Variants in VSIG10 observed in about 807,000 individuals in gnomAD.
The protein encoded by VSIG10 is V-set and immunoglobulin domain containing 10.
In VSIG10, 48 loss-of-function variants were observed where a neutral mutation model predicts 58.7. The ratio of observed to expected loss-of-function variants is 0.82; its 90% CI spans 0.65 to 1.04. The LOEUF (loss-of-function observed/expected upper bound fraction) is 1.04, where lower values mean the gene tolerates loss of function less well. VSIG10 is among the 50% of genes least tolerant of loss of function. The pLI is 0.00. For missense variants in VSIG10, 628 were observed against 670.0 expected, an observed-to-expected ratio of 0.94 and a Z score of 0.69; for synonymous variants, 260 against 267.1, an observed-to-expected ratio of 0.97 and a Z score of 0.26.
intron 1 of VSIG10, among the ~76,000 whole-genome samples, chr12:118,096,599 A>G (rs2033467205): frequency 7.2e-6 from 1 of 138,574 alleles, no homozygotes; most frequent in African/African-American, 2.6e-5. Flanking sequence ...AAAAAAGCAC[A>G]AAAAATTAGC....
rs2033685988 is a variant in VSIG10, at chr12:118,103,898, G to C, written c.-227C>G. ...GTCCCCGCTCCCGAGCGCCCTGGCC[G>C]GGGAGGGAGGGCGCACCCCGCCCCC... On this transcript the variant is annotated 5_prime_UTR_variant, in exon 1 of 9. Coordinates refer to ENST00000359236, the MANE Select transcript of VSIG10 (RefSeq NM_019086.6). 7 of 420,214 alleles carry C rather than the reference G, an allele frequency of 1.7e-5. No homozygotes were observed. Among genetic ancestry groups the C allele is most frequent in the Non-Finnish European group, 8.4e-6 (2 of 238,224 alleles). 26.0% of individuals were successfully genotyped at this position (420,214 alleles called of 1,614,324 possible). A position where few individuals can be genotyped will look rare whatever the true frequency, so the allele number is the denominator to read the frequency against.
At position 118,070,973 on chromosome 12, in the gene VSIG10, T is replaced by G; in HGVS notation, c.1346+79A>C. 3 of 1,528,988 alleles carry G rather than the reference T, an allele frequency of 2.0e-6. No individual in the cohort carries two copies. The South Asian group carries it at 3.6e-5, about 18-fold the overall frequency. The allele number at this position is 1,528,988 out of a possible 1,614,324, so 94.7% of individuals were successfully genotyped here. On this transcript the variant is annotated intron_variant, in intron 7 of 8. Transcript: ENST00000359236. The stretch of plus-strand genomic sequence containing the variant: ...TCAATGGTAGTTGCTATTATTGTTC[T>G]TGTGAAAGGAAGGGAACAAAACAGA...
At position 118,066,567 on chromosome 12, in the gene VSIG10, T is replaced by C; in HGVS notation, c.*72A>G. 4.5e-6 allele frequency: 7 copies of C among 1,568,704 alleles called. No homozygotes were observed. Among genetic ancestry groups the C allele is most frequent in the Non-Finnish European group, 6.1e-6 (7 of 1,138,896 alleles). On this transcript the variant is annotated 3_prime_UTR_variant, in exon 9 of 9. Transcript: ENST00000359236. ...CCAGGGGTGCAGGTGGAGTCAAAGC[T>C]GAATGAAGAGCTCGTCTTCAATGTA...
intron 8 of VSIG10, among the ~76,000 whole-genome samples, chr12:118,066,944 CCT>C (rs1192423776): frequency 2.0e-5 from 3 of 152,086 alleles, no homozygotes; most frequent in African/African-American, 7.2e-5. Context: ...CCTGAAACGC[CCT>C]CTCTCCTTTC....
chr12:118,075,759 C>T (rs968094260), intron 4 of VSIG10, among the ~76,000 whole-genome samples: 7 of 149,314 alleles, frequency 4.7e-5, no homozygotes, highest in African/African-American at 1.7e-4. Flanking sequence ...TAACCCAATT[C>T]ACTCTCACAG....
At chr12:118,103,453 C>T in intron 1 of VSIG10, 140 bp downstream of exon 1, 1 of 881,506 alleles carries the variant, frequency 1.1e-6, no homozygotes, top group Non-Finnish European at 1.6e-6. Flanking sequence ...GAGCAGGAAA[C>T]CAAGACCCTC....
In VSIG10 at chr12:118,064,469, T is replaced by C. The variant is rs1188745335; in HGVS notation, c.*2170A>G. The C allele has an allele frequency of 1.3e-5, 2 of 151,324 alleles. No homozygotes were observed. The highest frequency in any genetic ancestry group is 4.9e-5 in the African/African-American group (2 of 41,090). The allele number at this position is 151,324 out of a possible 1,614,324, so 9.4% of individuals were successfully genotyped here. A position where few individuals can be genotyped will look rare whatever the true frequency, so the allele number is the denominator to read the frequency against. ...TTTTTTTTCACCTCAACAGTTTTTGTGTTTTCTTTTTTTAATCTTGTTGCC... is the reference window on the plus strand; with the variant it reads ...TTTTTTTTCACCTCAACAGTTTTTGCGTTTTCTTTTTTTAATCTTGTTGCC... On this transcript the variant is annotated 3_prime_UTR_variant, in exon 9 of 9. Transcript: ENST00000359236.
intron 3 of VSIG10, 108 bp from the exon 4 acceptor site, chr12:118,079,714 A>C (rs1566164507): frequency 2.1e-6 from 3 of 1,436,900 alleles, no homozygotes; most frequent in Middle Eastern, 2.0e-4. Context: ...CATCAACCCC[A>C]GTTAGTGTTA....
rs551348102 is a variant in VSIG10, at chr12:118,103,882, C to T, written c.-211G>A. ...TCGGCTGCAGGCTCGGGTCCCCGCTCCCGAGCGCCCTGGCCGGGGAGGGAG... is the reference window on the plus strand; with the variant it reads ...TCGGCTGCAGGCTCGGGTCCCCGCTTCCGAGCGCCCTGGCCGGGGAGGGAG... On this transcript the variant is annotated 5_prime_UTR_variant, in exon 1 of 9. Transcript: ENST00000359236. 469 of 440,326 alleles carry T rather than the reference C, an allele frequency of 1.1e-3. 2 individuals carry two copies. Among genetic ancestry groups the T allele is most frequent in the Middle Eastern group, 6.0e-3 (10 of 1,670 alleles). The allele number at this position is 440,326 out of a possible 1,614,324, so 27.3% of individuals were successfully genotyped here. A position where few individuals can be genotyped will look rare whatever the true frequency, so the allele number is the denominator to read the frequency against.
intron 8 of VSIG10, among the ~76,000 whole-genome samples, 183 bp downstream of exon 8, chr12:118,068,194 C>CTTTTTT (rs71069404): frequency 2.0e-5 from 2 of 100,292 alleles, no homozygotes; most frequent in Admixed American, 1.2e-4. Flanking sequence ...GCTAATTTTT[C>CTTTTTT]TTTTTTTTTT....
chr12:118,069,422 C>CTTTTT (rs1227167306), intron 7 of VSIG10, among the ~76,000 whole-genome samples: 33 of 111,622 alleles, frequency 3.0e-4, no homozygotes, highest in South Asian at 6.0e-4. Context: ...TCTTCTTCTT[C>CTTTTT]TTCTTTTTTT....
intron 1 of VSIG10, among the ~76,000 whole-genome samples, 198 bp from the exon 2 acceptor site, chr12:118,096,012 G>A (rs942226000): frequency 2.0e-4 from 28 of 142,654 alleles, no homozygotes; most frequent in Non-Finnish European, 1.8e-4. Flanking sequence ...TGCAACCTCT[G>A]CCTCCCGGGT....
chr12:118,089,809 C>T (rs1265915315), intron 2 of VSIG10, among the ~76,000 whole-genome samples: 1 of 152,046 alleles, frequency 6.6e-6, no homozygotes, highest in Non-Finnish European at 1.5e-5. Flanking sequence ...TGCTGGTCTC[C>T]TTCCAAAATA....
chr12:118,065,169 A>C lies in VSIG10; in HGVS notation c.*1470T>G, dbSNP rs2032204815. 1 of 152,268 alleles carries C rather than the reference A, an allele frequency of 6.6e-6. No homozygotes were observed. Among genetic ancestry groups the C allele is most frequent in the African/African-American group, 2.4e-5 (1 of 41,476 alleles). The allele number at this position is 152,268 out of a possible 1,614,324, so 9.4% of individuals were successfully genotyped here. On this transcript the variant is annotated 3_prime_UTR_variant, in exon 9 of 9. Transcript: ENST00000359236. ...AGTGTACCCTCAGAATATCCTTAAG[A>C]AGCAGGAAGGAAACAAGTTTTCCTC...
At chr12:118,083,660 C>T (rs779379222) in intron 2 of VSIG10, among the ~76,000 whole-genome samples, 4 of 152,080 alleles carry the variant, frequency 2.6e-5, no homozygotes, top group South Asian at 2.1e-4. Flanking sequence ...GGACTACAAG[C>T]GTATTCCACC....
Position 118,068,547 on chromosome 12 carries a change from T to G in VSIG10, c.1397A>C (p.Glu466Ala). The change falls in exon 8 of 9, where the codon GAG (glutamate) becomes GCG (alanine). Residue 466 changes from glutamate (E) to alanine (A), a missense_variant. Glu to Ala is a moderately radical substitution (Grantham distance 107, BLOSUM62 -1). Coordinates refer to ENST00000359236, the MANE Select transcript of VSIG10 (RefSeq NM_019086.6). ...TTCCTCCTCCTCCTCCTCCTCCTCC[T>G]CTTCCTCTTCTGAATCCACCAAAAC... is the stretch of plus-strand genomic sequence containing the variant. Reference protein sequence around the residue: ...VMVLVDSEEEEEEEEEEEEDA... With the variant: ...VMVLVDSEEEAEEEEEEEEDA... 1.3e-6 allele frequency: 2 copies of G among 1,599,712 alleles called. No individual in the cohort carries two copies. The highest frequency in any genetic ancestry group is 2.7e-5 in the African/African-American group (2 of 74,696).
chr12:118,070,486 T>C (rs897643346), intron 7 of VSIG10, among the ~76,000 whole-genome samples: 3 of 145,326 alleles, frequency 2.1e-5, no homozygotes, highest in African/African-American at 5.1e-5. Flanking sequence ...AGGTAGGGAT[T>C]GCAGTGAGCT....
In VSIG10 at chr12:118,073,847, AGGCTGGATGATCACCTCG is replaced by A; in HGVS notation, c.1053_1070del (p.Glu352_Pro357del). ...CCTGGGTAATGAGATGGCGGCTGCT[AGGCTGGATGATCACCTCG>A]GGCTGGGTAAGGTTCCTCAGCCACA... is the stretch of plus-strand genomic sequence containing the variant. On this transcript the variant is annotated inframe_deletion, in exon 5 of 9. Coordinates refer to ENST00000359236, the MANE Select transcript of VSIG10 (RefSeq NM_019086.6). The A allele has an allele frequency of 6.2e-7, 1 of 1,613,782 alleles. No homozygotes were observed. The highest frequency in any genetic ancestry group is 1.1e-5 in the South Asian group (1 of 91,078).
rs115976417 is a variant in VSIG10 at position 118,067,373 on chromosome 12, C to T, written c.1568-679G>A. ...CAATTAATCAAATATCTTCCTGCAA[C>T]AGCTCCTCTACTGCTCTCTCAGTGT... On this transcript the variant is annotated intron_variant, in intron 8 of 8. Transcript: ENST00000359236. Among the ~76,000 whole-genome samples, 822 of 152,040 alleles carry T rather than the reference C, an allele frequency of 5.4e-3. 7 individuals carry two copies. Among genetic ancestry groups the T allele is most frequent in the African/African-American group, 0.018 (757 of 41,454 alleles).
Sources: allele counts gnomAD v4.1 joint callset (sites outside exome capture counted in the v4.1 genomes callset), GRCh38; gene constraint gnomAD v4.1.1; transcripts MANE v1.5; gene names NCBI Gene and HGNC (gene_info 2026-07-23, HGNC 2026-07-21).